Variants in LIMCH1 observed in about 807,000 individuals in gnomAD.
LIMCH1 encodes LIM and calponin homology domains 1.
Under a neutral mutation model 176.5 loss-of-function variants are expected in LIMCH1, and 113 were observed. The ratio of observed to expected loss-of-function variants is 0.64; its 90% CI spans 0.55 to 0.75. LIMCH1 has a LOEUF of 0.75. Ranked by LOEUF, LIMCH1 falls within the 30% of genes least tolerant of loss-of-function variation. The probability of loss-of-function intolerance (pLI) is 0.00; values close to 1 mark genes in which losing one functional copy is unlikely to be tolerated. For synonymous variants in LIMCH1, 619 were observed against 645.9 expected (o/e 0.96, Z 0.63); for missense variants, 1,674 against 1,814.9 (o/e 0.92, Z 1.41).
At chr4:41,553,873 C>T (rs1330520907) in intron 1 of LIMCH1, among the ~76,000 whole-genome samples, 2 of 152,156 alleles carry the variant, frequency 1.3e-5, no homozygotes, top group African/African-American at 4.8e-5. Flanking sequence ...CCAGATCCTG[C>T]ACTGTTATCT....
intron 1 of LIMCH1, among the ~76,000 whole-genome samples, chr4:41,554,429 A>G (rs559502699): frequency 6.6e-4 from 100 of 152,214 alleles, no homozygotes; most frequent in African/African-American, 2.3e-3. Flanking sequence ...CACCTATGAG[A>G]TGTTGTTTCT....
At chr4:41,614,148 A>G (rs560691275) in intron 5 of LIMCH1, among the ~76,000 whole-genome samples, 1 of 152,202 alleles carries the variant, frequency 6.6e-6, no homozygotes, top group African/African-American at 2.4e-5. Flanking sequence ...TTTTTTGGCA[A>G]TCTGTTTGAT....
intron 17 of LIMCH1, 63 bp downstream of exon 17, chr4:41,646,956 A>G (rs1471065130): frequency 7.2e-7 from 1 of 1,392,592 alleles, no homozygotes; most frequent in Non-Finnish European, 9.9e-7. Flanking sequence ...GGAAAGAAGC[A>G]TCATGACTCA....
rs557539378 is a variant in LIMCH1 at position 41,418,588 on chromosome 4, C to T, written c.96+57652C>T. On this transcript the variant is annotated intron_variant, in intron 1 of 26. Coordinates refer to the LIMCH1 transcript ENST00000313860. ...AGTCTGGTTGACAAGCCTCCGTGCC[C>T]GGCACCTGCGCCTTGTTGCCTGTGG... is the stretch of plus-strand genomic sequence containing the variant. Among the ~76,000 whole-genome samples, 45 of 146,820 alleles carry T rather than the reference C, an allele frequency of 3.1e-4. 1 individual carries two copies. The highest frequency in any genetic ancestry group is 3.5e-3 in the Middle Eastern group (1 of 286).
chr4:41,492,462 G>A (rs1437183105), intron 1 of LIMCH1, among the ~76,000 whole-genome samples: 1 of 151,928 alleles, frequency 6.6e-6, no homozygotes, highest in Non-Finnish European at 1.5e-5. Context: ...GGGGGAGGGG[G>A]ACTTTCTCCC....
At chr4:41,600,995 A>C (rs938811112) in intron 2 of LIMCH1, among the ~76,000 whole-genome samples, 1 of 150,718 alleles carries the variant, frequency 6.6e-6, no homozygotes, top group Admixed American at 6.6e-5. Flanking sequence ...CTTTCCATCT[A>C]TCTCTCCTTT....
chr4:41,398,883 A>G (rs1163863263), intron 1 of LIMCH1, among the ~76,000 whole-genome samples: 1 of 152,204 alleles, frequency 6.6e-6, no homozygotes, highest in Non-Finnish European at 1.5e-5. Flanking sequence ...ATCCCTAAAT[A>G]CAACAAGCAG....
At chr4:41,621,425 C>T (rs780060108) in intron 7 of LIMCH1, among the ~76,000 whole-genome samples, 2 of 152,046 alleles carry the variant, frequency 1.3e-5, no homozygotes, top group Non-Finnish European at 2.9e-5. Flanking sequence ...AATAATAGTG[C>T]AGCCAAAATG....
rs866256347 is a variant in LIMCH1, at chr4:41,460,466, A to C, written c.97-34070A>C. Among the ~76,000 whole-genome samples the C allele has an allele frequency of 2.2e-5, 3 of 139,066 alleles. 1 individual carries two copies. The highest frequency in any genetic ancestry group is 5.9e-5 in the African/African-American group (2 of 33,886). 91.2% of individuals were successfully genotyped at this position (139,066 alleles called of 152,430 possible). On this transcript the variant is annotated intron_variant, in intron 1 of 26. Coordinates refer to the LIMCH1 transcript ENST00000313860. The stretch of plus-strand genomic sequence containing the variant: ...TCCACTATAGTAATCATCTATATAT[A>C]TATATATATATATCTTATAATATCA...
At chr4:41,663,054 T>C (rs1187209330) in intron 20 of LIMCH1, 70 bp downstream of exon 20, 11 of 1,396,692 alleles carry the variant, frequency 7.9e-6, no homozygotes, top group East Asian at 2.3e-5. Flanking sequence ...AGCTAGCTGC[T>C]GCTGTGGCAG....
intron 31 of LIMCH1, among the ~76,000 whole-genome samples, chr4:41,695,017 T>C (rs1290078672): frequency 6.6e-6 from 1 of 152,096 alleles, no homozygotes; most frequent in Non-Finnish European, 1.5e-5. Flanking sequence ...GTTTACTCAC[T>C]ATTTATATTT....
chr4:41,602,857 A>T (rs2090165746), intron 2 of LIMCH1, among the ~76,000 whole-genome samples: 1 of 152,122 alleles, frequency 6.6e-6, no homozygotes, highest in Non-Finnish European at 1.5e-5. Context: ...GCAGATAAGG[A>T]CATCCCATTT....
intron 20 of LIMCH1, among the ~76,000 whole-genome samples, chr4:41,664,056 A>C (rs1210682531): frequency 6.6e-6 from 1 of 151,844 alleles, no homozygotes; most frequent in Admixed American, 6.6e-5. Context: ...AAACAAACAA[A>C]ACAATCCAAG....
intron 22 of LIMCH1, among the ~76,000 whole-genome samples, chr4:41,672,932 G>A (rs1328494278): frequency 1.3e-5 from 2 of 152,172 alleles, no homozygotes; most frequent in Non-Finnish European, 2.9e-5. Flanking sequence ...TTCTTTTGAA[G>A]TTGTCATGTG....
At chr4:41,601,507 G>A (rs1003878913) in intron 2 of LIMCH1, among the ~76,000 whole-genome samples, 5 of 152,164 alleles carry the variant, frequency 3.3e-5, no homozygotes, top group Non-Finnish European at 5.9e-5. Flanking sequence ...GGAACCACAA[G>A]CTTCATGTTT....
chr4:41,523,763 C>T (rs752157935), intron 2 of LIMCH1, among the ~76,000 whole-genome samples: 1 of 152,176 alleles, frequency 6.6e-6, no homozygotes, highest in Non-Finnish European at 1.5e-5. Context: ...CTTGTGTAAC[C>T]ATTGTTATAT....
chr4:41,359,690 C>T (rs1454891041), upstream of LIMCH1: 1 of 152,076 alleles, frequency 6.6e-6, no homozygotes, highest in Non-Finnish European at 1.5e-5. Context: ...AGATGAGGAA[C>T]CTTCTGGAAA....
chr4:41,547,582 A>T lies in LIMCH1; in HGVS notation c.-241+9232A>T, dbSNP rs112336122. On this transcript the variant is annotated intron_variant, in intron 1 of 31. Coordinates refer to ENST00000503057, the MANE Select transcript of LIMCH1 (RefSeq NM_001330672.2). ...TATAGTATTGACCTTATAAGACCAT[A>T]GTAAGGATTAAATGAGCTAATATAT... Among the ~76,000 whole-genome samples, 1,402 of 149,244 alleles carry T rather than the reference A, an allele frequency of 9.4e-3. 13 individuals carry two copies. The highest frequency in any genetic ancestry group is 0.03 in the African/African-American group (1,234 of 40,864).
intron 1 of LIMCH1, among the ~76,000 whole-genome samples, chr4:41,454,928 TTGTATGCGTACA>T (rs1362393661): frequency 2.7e-5 from 4 of 148,402 alleles, no homozygotes; most frequent in African/African-American, 1.0e-4. Context: ...ATAGCTGTGC[TTGTATGCGTACA>T]TGTGTGTGTG....
Sources: gnomAD v4.1 joint callset for allele counts (sites outside exome capture counted in the v4.1 genomes callset) on GRCh38, gnomAD v4.1.1 for gene constraint, MANE v1.5 for transcripts, NCBI Gene and HGNC (gene_info 2026-07-23, HGNC 2026-07-21) for gene names.